The following LRRTM4 variants were observed in gnomAD, a reference collection of about 807,000 sequenced individuals.
LRRTM4 encodes the protein leucine rich repeat transmembrane neuronal 4.
LRRTM4 carries 25 observed loss-of-function variants against 47.6 expected under a neutral mutation model. The ratio of observed to expected loss-of-function variants is 0.53; its 90% CI spans 0.38 to 0.73. The LOEUF is 0.73. Among genes scored for constraint, LRRTM4 ranks in the 30% least tolerant of loss-of-function variants. The pLI is 0.00. For synonymous variants in LRRTM4, 311 were observed against 269.5 expected, an observed-to-expected ratio of 1.15 and a Z score of -1.51; for missense variants, 638 against 713.4, an observed-to-expected ratio of 0.89 and a Z score of 1.20.
chr2:77,233,581 A>G (rs1284871083), intron 3 of LRRTM4, among the ~76,000 whole-genome samples: 1 of 152,138 alleles, frequency 6.6e-6, no homozygotes, highest in Non-Finnish European at 1.5e-5. Context: ...CAAGTTTTCT[A>G]TATCTCAATT....
chr2:76,923,006 A>G (rs1674479492), intron 3 of LRRTM4, among the ~76,000 whole-genome samples: 1 of 152,260 alleles, frequency 6.6e-6, no homozygotes, highest in Middle Eastern at 3.4e-3. Context: ...ATTTAGGGGC[A>G]AACACAATAG....
At chr2:77,302,238 T>C (rs897743770) in intron 3 of LRRTM4, among the ~76,000 whole-genome samples, 1 of 152,208 alleles carries the variant, frequency 6.6e-6, no homozygotes, top group East Asian at 1.9e-4. Context: ...ACAGAAATAA[T>C]TGAGCCACAA....
intron 3 of LRRTM4, among the ~76,000 whole-genome samples, chr2:77,355,936 C>CA (rs369820104): frequency 2.0e-5 from 3 of 151,974 alleles, no homozygotes; most frequent in South Asian, 2.1e-4. Context: ...TTACAAACTA[C>CA]AAAAAAATTA....
intron 3 of LRRTM4, among the ~76,000 whole-genome samples, chr2:77,081,291 C>CACACAT (rs1342995493): frequency 2.3e-4 from 34 of 146,624 alleles, no homozygotes; most frequent in Non-Finnish European, 2.7e-4. Context: ...CACACACACA[C>CACACAT]ATAAATTTGT....
At chr2:77,511,148 G>A (rs981192161) in intron 3 of LRRTM4, among the ~76,000 whole-genome samples, 3 of 152,048 alleles carry the variant, frequency 2.0e-5, no homozygotes, top group Admixed American at 6.6e-5. Flanking sequence ...TTGAGGCAAT[G>A]AGAGAGGAAA....
At chr2:77,274,414 T>G (rs1049429601) in intron 3 of LRRTM4, among the ~76,000 whole-genome samples, 6 of 152,284 alleles carry the variant, frequency 3.9e-5, no homozygotes, top group Middle Eastern at 3.4e-3. Flanking sequence ...GATGATAAAT[T>G]TGCTCACCTA....
chr2:77,319,151 G>A (rs1174853821), intron 3 of LRRTM4, among the ~76,000 whole-genome samples: 2 of 152,118 alleles, frequency 1.3e-5, no homozygotes, highest in Admixed American at 6.6e-5. Context: ...TTGGGAGGTT[G>A]AGGCAGGCGG....
At chr2:77,110,757 T>C (rs1397777778) in intron 3 of LRRTM4, among the ~76,000 whole-genome samples, 2 of 152,166 alleles carry the variant, frequency 1.3e-5, no homozygotes, top group Admixed American at 6.5e-5. Flanking sequence ...CTAAGGTACA[T>C]TGATATTTCA....
chr2:76,772,084 T>A (rs904638010), intron 3 of LRRTM4, among the ~76,000 whole-genome samples: 8 of 152,176 alleles, frequency 5.3e-5, no homozygotes, highest in African/African-American at 1.9e-4. Flanking sequence ...TAACACCCAA[T>A]TCGATGGTAT....
At chr2:77,486,162 T>G (rs1363595969) in intron 3 of LRRTM4, among the ~76,000 whole-genome samples, 1 of 152,218 alleles carries the variant, frequency 6.6e-6, no homozygotes, top group Non-Finnish European at 1.5e-5. Context: ...AGTTACTGCT[T>G]CACATTGATT....
rs535008706 is a variant in LRRTM4 at position 76,924,410 on chromosome 2, A to G, written c.1552-175494T>C. On this transcript the variant is annotated intron_variant, in intron 3 of 3. Coordinates refer to ENST00000409884, the MANE Select transcript of LRRTM4 (RefSeq NM_001134745.3). ...TCTTTGGCTCATTAGAGCCAGGAGT[A>G]CAATTTAGGAAGAACTTGATAGATG... Among the ~76,000 whole-genome samples, 238 of 152,218 alleles carry G rather than the reference A, an allele frequency of 1.6e-3. 1 individual carries two copies. Among genetic ancestry groups the G allele is most frequent in the Middle Eastern group, 0.01 (3 of 292 alleles).
chr2:76,774,284 C>G (rs2104124243), intron 3 of LRRTM4, among the ~76,000 whole-genome samples: 1 of 151,920 alleles, frequency 6.6e-6, no homozygotes, highest in South Asian at 2.1e-4. Context: ...TTCTGACTCC[C>G]CGGTTCAAGC....
chr2:77,261,673 T>G lies in LRRTM4; in HGVS notation c.1551+256645A>C, dbSNP rs550104117. Among the ~76,000 whole-genome samples the G allele has an allele frequency of 2.0e-3, 309 of 152,190 alleles. 1 individual carries two copies. The highest frequency in any genetic ancestry group is 6.8e-3 in the African/African-American group (283 of 41,522). On this transcript the variant is annotated intron_variant, in intron 3 of 3. Coordinates refer to ENST00000409884, the MANE Select transcript of LRRTM4 (RefSeq NM_001134745.3). ...GGATGCCTAACAGCATTAAGATAAC[T>G]GATCATGGTGGAGAGAGAGGGTTCT...
At position 76,888,146 on chromosome 2, in the gene LRRTM4, T is replaced by G. The variant is rs1191442399; in HGVS notation, c.1552-139230A>C. Reference sequence around the variant, plus strand: ...TATGTGTGTGTATATATGTATTACCTATACATATTTGTGGGTGGATATGAT... The same window carrying G: ...TATGTGTGTGTATATATGTATTACCGATACATATTTGTGGGTGGATATGAT... On this transcript the variant is annotated intron_variant, in intron 3 of 3. Transcript: ENST00000409884. Among the ~76,000 whole-genome samples the G allele has an allele frequency of 2.7e-5, 4 of 150,842 alleles. No homozygotes were observed. The East Asian group carries it at 7.7e-4, about 29-fold the overall frequency.
intron 3 of LRRTM4, among the ~76,000 whole-genome samples, chr2:77,192,644 T>C: frequency 6.6e-6 from 1 of 152,292 alleles, no homozygotes; most frequent in East Asian, 1.9e-4. Flanking sequence ...TCCAAATTAA[T>C]TTAATTTTCT....
chr2:77,050,105 G>T (rs528839640), intron 3 of LRRTM4, among the ~76,000 whole-genome samples: 118 of 148,490 alleles, frequency 7.9e-4, no homozygotes, highest in Non-Finnish European at 1.2e-3. Context: ...CTAGTCTGCA[G>T]ATGTGTTTTG....
At chr2:77,026,238 T>A (rs909801701) in intron 3 of LRRTM4, among the ~76,000 whole-genome samples, 1 of 152,116 alleles carries the variant, frequency 6.6e-6, no homozygotes, top group African/African-American at 2.4e-5. Context: ...CAGGGGCCAT[T>A]TGAAGCACTT....
intron 3 of LRRTM4, among the ~76,000 whole-genome samples, chr2:77,271,223 A>T (rs1449914413): frequency 6.6e-6 from 1 of 152,292 alleles, no homozygotes; most frequent in Non-Finnish European, 1.5e-5. Context: ...GAATATGGGT[A>T]CCCAGAAAAG....
At chr2:76,915,297 A>G (rs1465144133) in intron 3 of LRRTM4, among the ~76,000 whole-genome samples, 3 of 152,160 alleles carry the variant, frequency 2.0e-5, no homozygotes, top group African/African-American at 7.2e-5. Flanking sequence ...GTAACTGAAA[A>G]TAATATCAAA....
Sources: allele counts gnomAD v4.1 joint callset (sites outside exome capture counted in the v4.1 genomes callset), GRCh38; gene constraint gnomAD v4.1.1; transcripts MANE v1.5; gene names NCBI Gene and HGNC (gene_info 2026-07-23, HGNC 2026-07-21).